The following BBS9 variants were observed in gnomAD, a reference collection of about 807,000 sequenced individuals.
BBS9 encodes Bardet-Biedl syndrome 9, also known as protein PTHB1.
In BBS9, 89 loss-of-function variants were observed where a neutral mutation model predicts 117.7. That is an observed-to-expected ratio of 0.76 (90% CI 0.64 to 0.90). BBS9 has a LOEUF of 0.90. BBS9 is among the 40% of genes least tolerant of loss of function. The pLI is 0.00. For synonymous variants in BBS9, 379 were observed against 370.9 expected, an observed-to-expected ratio of 1.02 and a Z score of -0.25; for missense variants, 982 against 1,042.2, an observed-to-expected ratio of 0.94 and a Z score of 0.80.
At chr7:33,191,256 A>G (rs1299655136) in intron 5 of BBS9, among the ~76,000 whole-genome samples, 1 of 152,172 alleles carries the variant, frequency 6.6e-6, no homozygotes, top group East Asian at 1.9e-4. Context: ...AAACAGGCTG[A>G]AAATATCCTT....
chr7:33,134,588 T>G (rs775029469), intron 1 of BBS9, among the ~76,000 whole-genome samples: 2 of 152,090 alleles, frequency 1.3e-5, no homozygotes, highest in Non-Finnish European at 1.5e-5. Flanking sequence ...AAAGTCTACT[T>G]TATTCATTTA....
At chr7:33,296,712 C>T (rs1805344770) in intron 9 of BBS9, among the ~76,000 whole-genome samples, 1 of 152,140 alleles carries the variant, frequency 6.6e-6, no homozygotes, top group African/African-American at 2.4e-5. Context: ...TTCTTTCCAA[C>T]AGAGGCGAAT....
chr7:33,410,199 A>C (rs1215484965), intron 19 of BBS9, among the ~76,000 whole-genome samples: 1 of 152,202 alleles, frequency 6.6e-6, no homozygotes, highest in Non-Finnish European at 1.5e-5. Flanking sequence ...TGTGTGTTAA[A>C]GAAGAGATGG....
At chr7:33,294,128 T>G (rs368870170) in intron 9 of BBS9, among the ~76,000 whole-genome samples, 3 of 152,186 alleles carry the variant, frequency 2.0e-5, no homozygotes, top group East Asian at 1.9e-4. Flanking sequence ...TTATTTTACA[T>G]TATATGATGC....
chr7:33,460,589 AT>A (rs1208577189), intron 19 of BBS9, among the ~76,000 whole-genome samples: 1 of 152,030 alleles, frequency 6.6e-6, no homozygotes, highest in Admixed American at 6.6e-5. Context: ...TGTTCAAGGT[AT>A]TCTTAATTTT....
chr7:33,320,606 G>C (rs1352100676), intron 9 of BBS9, among the ~76,000 whole-genome samples: 1 of 152,072 alleles, frequency 6.6e-6, no homozygotes, highest in Non-Finnish European at 1.5e-5. Flanking sequence ...GTATATAACA[G>C]GGAGTGGGAT....
intron 2 of BBS9, among the ~76,000 whole-genome samples, chr7:33,151,051 A>C (rs979525443): frequency 2.0e-5 from 3 of 152,184 alleles, no homozygotes; most frequent in African/African-American, 7.2e-5. Context: ...CAGAAGTTTG[A>C]GACCAGCCCA....
At chr7:33,305,756 C>G (rs376983467) in intron 9 of BBS9, among the ~76,000 whole-genome samples, 66 of 152,002 alleles carry the variant, frequency 4.3e-4, no homozygotes, top group African/African-American at 1.5e-3. Context: ...TAATGTCTCC[C>G]TTTTTATATC....
rs1003890745 is a variant in BBS9, at chr7:33,588,779, A to G, written c.2522-16086A>G. Among the ~76,000 whole-genome samples, 38 of 152,134 alleles carry G rather than the reference A, an allele frequency of 2.5e-4. 2 individuals carry two copies. The highest frequency in any genetic ancestry group is 1.5e-5 in the Non-Finnish European group (1 of 67,996). On this transcript the variant is annotated intron_variant, in intron 21 of 22. Coordinates refer to ENST00000242067, the MANE Select transcript of BBS9 (RefSeq NM_198428.3). ...CTTGAAGAAGGTGAGGGAATTATTC[A>G]TGCAGAAATCAGAGGGACAAGTGTT...
chr7:33,181,859 G>A (rs367546009), intron 5 of BBS9, among the ~76,000 whole-genome samples: 13 of 152,264 alleles, frequency 8.5e-5, no homozygotes, highest in East Asian at 7.7e-4. Context: ...CGAGGCAGGC[G>A]GATCACGAGG....
intron 9 of BBS9, among the ~76,000 whole-genome samples, chr7:33,294,107 G>T (rs1161715404): frequency 1.3e-5 from 2 of 152,018 alleles, no homozygotes; most frequent in Admixed American, 1.3e-4. Flanking sequence ...TTTGAAGCCA[G>T]TACAAATAAT....
chr7:33,247,611 T>C (rs1287753903), intron 5 of BBS9, among the ~76,000 whole-genome samples: 1 of 152,224 alleles, frequency 6.6e-6, no homozygotes, highest in Non-Finnish European at 1.5e-5. Flanking sequence ...CATAGCCTTT[T>C]AAATTACTTT....
chr7:33,574,684 A>AACACACACACACACAC (rs371229936), intron 21 of BBS9, among the ~76,000 whole-genome samples: 6 of 137,566 alleles, frequency 4.4e-5, no homozygotes, highest in East Asian at 4.2e-4. Flanking sequence ...AGTCATAGAA[A>AACACACACACACACAC]ACACACACAC....
chr7:33,212,592 A>G (rs538130729), intron 5 of BBS9, among the ~76,000 whole-genome samples: 2 of 152,078 alleles, frequency 1.3e-5, no homozygotes, highest in South Asian at 4.2e-4. Context: ...GTTTTCCTGG[A>G]TGGTCTTAAT....
At chr7:33,225,889 C>T (rs1239391005) in intron 5 of BBS9, among the ~76,000 whole-genome samples, 5 of 152,056 alleles carry the variant, frequency 3.3e-5, no homozygotes, top group African/African-American at 1.2e-4. Flanking sequence ...TGATGCAGAC[C>T]TACAGACATT....
chr7:33,607,056 A>G (rs1369706277), downstream of BBS9, among the ~76,000 whole-genome samples: 1 of 152,072 alleles, frequency 6.6e-6, no homozygotes, highest in Non-Finnish European at 1.5e-5. Context: ...GCCTCTCTAC[A>G]TACCTCTCTC....
chr7:33,509,632 G>A (rs1462739425), intron 20 of BBS9, among the ~76,000 whole-genome samples: 3 of 152,154 alleles, frequency 2.0e-5, no homozygotes, highest in Admixed American at 6.6e-5. Flanking sequence ...GTCCCCACAA[G>A]TATTGAGAGG....
At chr7:33,231,212 C>T (rs528573237) in intron 5 of BBS9, among the ~76,000 whole-genome samples, 10 of 152,054 alleles carry the variant, frequency 6.6e-5, no homozygotes, top group Admixed American at 6.6e-4. Context: ...CTATGTTGCC[C>T]AGGTTGGCCA....
intron 2 of BBS9, among the ~76,000 whole-genome samples, chr7:33,148,871 G>T (rs1455157163): frequency 6.6e-6 from 1 of 152,124 alleles, no homozygotes; most frequent in African/African-American, 2.4e-5. Flanking sequence ...TGATCCTCCT[G>T]CCTTGGCCTC....
Sources: gnomAD v4.1 joint callset for allele counts (sites outside exome capture counted in the v4.1 genomes callset) on GRCh38, gnomAD v4.1.1 for gene constraint, MANE v1.5 for transcripts, NCBI Gene and HGNC (gene_info 2026-07-23, HGNC 2026-07-21) for gene names.